POLE: variants seen among roughly 807,000 people sequenced by gnomAD.
POLE encodes DNA polymerase epsilon, catalytic subunit, also known as DNA polymerase epsilon catalytic subunit A.
POLE carries 188 observed loss-of-function variants against 279.2 expected under a neutral mutation model. That is an observed-to-expected ratio of 0.67 (90% CI 0.60 to 0.76). The LOEUF (loss-of-function observed/expected upper bound fraction) is 0.76, where lower values mean the gene tolerates loss of function less well. Ranked by LOEUF, POLE falls within the 30% of genes least tolerant of loss-of-function variation. The probability of loss-of-function intolerance (pLI) is 0.00; values close to 1 mark genes in which losing one functional copy is unlikely to be tolerated. For missense variants in POLE, 2,703 were observed against 3,016.7 expected, an observed-to-expected ratio of 0.90 and a Z score of 2.44; for synonymous variants, 1,214 against 1,172.5, an observed-to-expected ratio of 1.04 and a Z score of -0.72.
intron 1 of POLE, among the ~76,000 whole-genome samples, chr12:132,685,878 A>G (rs1329348723): frequency 7.0e-6 from 1 of 143,424 alleles, no homozygotes; most frequent in Non-Finnish European, 1.5e-5. Context: ...CGTTTTTTCT[A>G]TTTTTTTTTT....
At chr12:132,646,089 G>T (rs1038470277) in intron 32 of POLE, among the ~76,000 whole-genome samples, 1 of 152,138 alleles carries the variant, frequency 6.6e-6, no homozygotes, top group Non-Finnish European at 1.5e-5. Flanking sequence ...GACCAACAGG[G>T]CATGTCAAAA....
At chr12:132,636,866 C>T (rs534418427) in intron 41 of POLE, among the ~76,000 whole-genome samples, 16 of 152,370 alleles carry the variant, frequency 1.1e-4, no homozygotes, top group East Asian at 5.8e-4. Flanking sequence ...GCCCACATCG[C>T]AGCTCCTGCA....
intron 1 of POLE, among the ~76,000 whole-genome samples, chr12:132,685,746 C>T (rs1167860795): frequency 2.0e-5 from 3 of 152,240 alleles, no homozygotes; most frequent in Admixed American, 6.5e-5. Flanking sequence ...CTCTCTAGGG[C>T]TTGCCTGATA....
intron 3 of POLE, 22 bp downstream of exon 3, chr12:132,680,585 C>T: frequency 6.3e-7 from 1 of 1,599,242 alleles, no homozygotes; most frequent in South Asian, 1.1e-5. Flanking sequence ...TGGGTTTTAG[C>T]TTGTCGCAGT....
chr12:132,632,220 T>A (rs974390576), intron 45 of POLE, 95 bp downstream of exon 45: 62 of 933,450 alleles, frequency 6.6e-5, no homozygotes, highest in Admixed American at 1.2e-4. Flanking sequence ...ACGTTCATGG[T>A]GCACGCATTA....
chr12:132,685,534 A>G (rs2043240444), intron 1 of POLE, among the ~76,000 whole-genome samples: 1 of 152,252 alleles, frequency 6.6e-6, no homozygotes, highest in South Asian at 2.1e-4. Context: ...GAGGTAACCC[A>G]CATAAAGCAT....
rs1060504061 is a variant in POLE at position 132,657,217 on chromosome 12, C to T, written c.3501G>A (p.Leu1167=). The T allele has an allele frequency of 2.5e-6, 4 of 1,613,964 alleles. No homozygotes were observed. The highest frequency in any genetic ancestry group is 2.2e-5 in the South Asian group (2 of 91,078). The change falls in exon 29 of 49, where the codon CTG becomes CTA. Residue 1167 remains leucine (L), a synonymous_variant. Transcript: ENST00000320574. The part of the protein sequence containing the change: ...PVPRVKHPDW[L]HKKLLEKNDV... ...CATTCTTCTCCAGCAGTTTTTTGTGCAGCCAGTCGGGGTGTTTGACACGTG... is the reference window on the plus strand; with the variant it reads ...CATTCTTCTCCAGCAGTTTTTTGTGTAGCCAGTCGGGGTGTTTGACACGTG...
chr12:132,680,731 A>C (rs2043149173), intron 2 of POLE, 44 bp from the exon 3 acceptor site: 1 of 1,452,926 alleles, frequency 6.9e-7, no homozygotes, highest in Admixed American at 1.7e-5. Context: ...CATCCTCTAC[A>C]CAGTTAGAGA....
intron 45 of POLE, among the ~76,000 whole-genome samples, chr12:132,626,616 G>A (rs2041844877): frequency 1.7e-5 from 2 of 118,206 alleles, no homozygotes; most frequent in African/African-American, 5.9e-5. Flanking sequence ...AGCATCCCCT[G>A]ATACTAGAAC....
intron 26 of POLE, chr12:132,658,374 G>C (rs992057426): frequency 5.6e-6 from 1 of 179,688 alleles, no homozygotes; most frequent in Non-Finnish European, 1.2e-5. Flanking sequence ...ATACATAAAC[G>C]CATGCGTGCG....
rs1565933242 is a variant in POLE at position 132,639,257 on chromosome 12, G to A, written c.5420C>T (p.Thr1807Ile). 1.9e-6 allele frequency: 3 copies of A among 1,614,108 alleles called. No homozygotes were observed. Among genetic ancestry groups the A allele is most frequent in the Non-Finnish European group, 2.5e-6 (3 of 1,180,014 alleles). Residue 1807 changes from threonine (T) to isoleucine (I), a missense_variant, in exon 40 of 49, where the codon ACC becomes ATC. By Grantham distance (89) the Thr-to-Ile change is moderately conservative. Around this residue, in one of 5 missense-constraint regions of POLE, gnomAD observed 1,551 missense variants for 1,686.1 expected, o/e 0.92. Transcript: ENST00000320574. The surrounding 1 kb of genome is among the most constrained non-coding windows in gnomAD (Gnocchi z 4.7). ...SMVVGWVKEITQYHNIYADNQ... is the reference protein window; with the variant it reads ...SMVVGWVKEIIQYHNIYADNQ... Reference sequence around the variant, plus strand: ...GTCTGCATAGATGTTGTGGTACTGGGTGATCTCCTTCACCCAGCCCACGAC... The same window carrying A: ...GTCTGCATAGATGTTGTGGTACTGGATGATCTCCTTCACCCAGCCCACGAC...
chr12:132,649,359 A>G lies in POLE; in HGVS notation c.3952T>C (p.Phe1318Leu), dbSNP rs1484580367. Residue 1318 changes from phenylalanine (F) to leucine (L), a missense_variant, in exon 31 of 49, where the codon TTC becomes CTC. This residue lies in a region of POLE where 1,551 missense variants were observed against 1,686.1 expected (regional missense o/e 0.92). Coordinates refer to ENST00000320574, the MANE Select transcript of POLE (RefSeq NM_006231.4). ...RDGPATGLGS[F>L]LRRTARSILD... ...ATGCTGCGGGCAGTTCTTCGCAAGA[A>G]GCTCCCCAGCCCCGTGGCAGGACCA... 1.2e-6 allele frequency: 2 copies of G among 1,613,560 alleles called. No homozygotes were observed. Among genetic ancestry groups the G allele is most frequent in the Non-Finnish European group, 1.7e-6 (2 of 1,180,030 alleles).
At chr12:132,680,388 G>C (rs957855545) in intron 3 of POLE, 166 bp from the exon 4 acceptor site, 56 of 685,142 alleles carry the variant, frequency 8.2e-5, no homozygotes, top group Non-Finnish European at 1.2e-4. Flanking sequence ...ACAGGGGCAA[G>C]AATCTGAAAG....
Position 132,634,473 on chromosome 12 carries a change from T to C in POLE, c.5812-95A>G, listed in dbSNP as rs5745004. The C allele has an allele frequency of 4.8e-3, 6,007 of 1,243,960 alleles. 25 individuals carry two copies. The highest frequency in any genetic ancestry group is 5.7e-3 in the Non-Finnish European group (5,017 of 875,694). The allele number at this position is 1,243,960 out of a possible 1,614,324, so 77.1% of individuals were successfully genotyped here. On this transcript the variant is annotated intron_variant, in intron 42 of 48. Transcript: ENST00000320574. This position sits in a 1 kb window ranked among gnomAD's most constrained non-coding sequence, Gnocchi z 4.0. ...CGAAGGCTCCTCCAACCTGGGTCCA[T>C]CTGCCCCGTTTGACCAGAGGCCTTC... is the stretch of plus-strand genomic sequence containing the variant.
intron 29 of POLE, chr12:132,650,791 C>T (rs1468445229): frequency 3.3e-5 from 5 of 151,964 alleles, no homozygotes; most frequent in African/African-American, 1.2e-4. Context: ...ATTTTTACCA[C>T]ATGTCCACAG....
rs1393355515 is a variant in POLE at position 132,626,317 on chromosome 12, C to A, written c.6331G>T (p.Val2111Leu). The change falls in exon 46 of 49, where the codon GTG (valine) becomes TTG (leucine). Residue 2111 changes from valine to leucine, a missense_variant and splice_region_variant. Coordinates refer to ENST00000320574, the MANE Select transcript of POLE (RefSeq NM_006231.4). ...ALEFIKYVCK[V>L]LSLDTNITNQ... ...GTGATGTTGGTGTCCAGGGACAGCACCTGCAGAGACCACAGCCCACATCGG... is the reference window on the plus strand; with the variant it reads ...GTGATGTTGGTGTCCAGGGACAGCAACTGCAGAGACCACAGCCCACATCGG... 6.2e-7 allele frequency: 1 copy of A among 1,613,398 alleles called. No homozygotes were observed. The highest frequency in any genetic ancestry group is 8.5e-7 in the Non-Finnish European group (1 of 1,179,920).
chr12:132,672,163 G>T, intron 16 of POLE, 52 bp downstream of exon 16: 2 of 1,266,384 alleles, frequency 1.6e-6, no homozygotes, highest in Non-Finnish European at 2.3e-6. Flanking sequence ...GACGTGGTCT[G>T]TGAAGAAGGC....
At chr12:132,682,568 C>G (rs764771497) in intron 1 of POLE, among the ~76,000 whole-genome samples, 1 of 152,132 alleles carries the variant, frequency 6.6e-6, no homozygotes, top group Non-Finnish European at 1.5e-5. Context: ...CAATTGTACT[C>G]TACTTACACA....
At chr12:132,672,141 G>A (rs1442350091) in intron 16 of POLE, 74 bp downstream of exon 16, 8 of 1,015,908 alleles carry the variant, frequency 7.9e-6, no homozygotes, top group South Asian at 5.1e-5. Context: ...CACAATAAAC[G>A]TGCTGCTGAA....
Sources: allele counts gnomAD v4.1 joint callset (sites outside exome capture counted in the v4.1 genomes callset), GRCh38; gene constraint gnomAD v4.1.1; regional missense constraint gnomAD v4.1.1; non-coding constraint Gnocchi (gnomAD v3.1); transcripts MANE v1.5; gene names NCBI Gene and HGNC (gene_info 2026-07-23, HGNC 2026-07-21).